MCPH1: variants seen among roughly 807,000 people sequenced by gnomAD.
MCPH1 encodes the protein microcephalin 1.
MCPH1 carries 104 observed loss-of-function variants against 84.5 expected under a neutral mutation model. The ratio of observed to expected loss-of-function variants is 1.23; its 90% CI spans 1.05 to 1.45. The LOEUF is 1.45. Ranked by LOEUF, MCPH1 falls within the 40% of genes most tolerant of loss-of-function variation. The pLI is 0.00. For missense variants in MCPH1, 1,498 were observed against 1,005.7 expected (o/e 1.49, Z -6.62); for synonymous variants, 514 against 366.8 (o/e 1.40, Z -4.58).
intron 6 of MCPH1, among the ~76,000 whole-genome samples, chr8:6,441,276 C>T (rs185217721): frequency 3.9e-4 from 59 of 152,310 alleles, no homozygotes; most frequent in African/African-American, 1.4e-3. Context: ...ACTAATTTGC[C>T]TTAAACTTTA....
intron 12 of MCPH1, among the ~76,000 whole-genome samples, chr8:6,613,324 G>C (rs962737718): frequency 6.6e-6 from 1 of 152,246 alleles, no homozygotes; most frequent in Non-Finnish European, 1.5e-5. Context: ...CCAACGGTCA[G>C]GGGACTGGCA....
chr8:6,542,293 T>G lies in MCPH1; in HGVS notation c.2214+42364T>G, dbSNP rs573269617. Among the ~76,000 whole-genome samples, 986 of 137,802 alleles carry G rather than the reference T, an allele frequency of 7.2e-3. 13 individuals carry two copies. The highest frequency in any genetic ancestry group is 0.03 in the African/African-American group (955 of 31,966). 90.4% of individuals were successfully genotyped at this position (137,802 alleles called of 152,430 possible). On this transcript the variant is annotated intron_variant, in intron 12 of 13. Coordinates refer to ENST00000344683, the MANE Select transcript of MCPH1 (RefSeq NM_024596.5). Reference sequence around the variant, plus strand: ...TTTGTCTACACATGTGAGGTAGGGGTGTGTGTGTGTGTGTGTGTATCTGTG... The same window carrying G: ...TTTGTCTACACATGTGAGGTAGGGGGGTGTGTGTGTGTGTGTGTATCTGTG...
intron 10 of MCPH1, among the ~76,000 whole-genome samples, chr8:6,479,128 T>A (rs1422050904): frequency 3.3e-5 from 5 of 151,960 alleles, no homozygotes; most frequent in Non-Finnish European, 7.4e-5. Flanking sequence ...TAGCCAGACT[T>A]GGTGGTGAAT....
At chr8:6,622,380 G>C (rs1831542435) in intron 13 of MCPH1, among the ~76,000 whole-genome samples, 1 of 152,202 alleles carries the variant, frequency 6.6e-6, no homozygotes, top group African/African-American at 2.4e-5. Flanking sequence ...GGAGAAGAGG[G>C]TTAAGGAAGA....
chr8:6,409,168 G>A, intron 1 of MCPH1, 111 bp from the exon 2 acceptor site: 2 of 888,226 alleles, frequency 2.3e-6, no homozygotes, highest in Non-Finnish European at 3.7e-6. Context: ...TTACAGGCGT[G>A]AGCCACTGTG....
At chr8:6,430,116 C>G (rs1483243393) in intron 3 of MCPH1, among the ~76,000 whole-genome samples, 1 of 152,174 alleles carries the variant, frequency 6.6e-6, no homozygotes, top group African/African-American at 2.4e-5. Flanking sequence ...AGAGTTGAGT[C>G]TGGTGATCAT....
chr8:6,450,970 A>T (rs952855271), intron 8 of MCPH1, among the ~76,000 whole-genome samples: 3 of 152,158 alleles, frequency 2.0e-5, no homozygotes, highest in African/African-American at 7.2e-5. Flanking sequence ...TGCCTCCCAA[A>T]GTGCTGGGAT....
chr8:6,422,601 C>T (rs770323898), intron 3 of MCPH1, among the ~76,000 whole-genome samples: 1 of 152,218 alleles, frequency 6.6e-6, no homozygotes, highest in Non-Finnish European at 1.5e-5. Context: ...CTCTCTCTCT[C>T]TATTTCTGCC....
chr8:6,423,320 A>G (rs1340812911), intron 3 of MCPH1, among the ~76,000 whole-genome samples: 1 of 142,716 alleles, frequency 7.0e-6, no homozygotes, highest in African/African-American at 2.7e-5. Context: ...GCCCGCCACC[A>G]CGCCTGGCTA....
chr8:6,448,882 A>G (rs1056870399), intron 8 of MCPH1, among the ~76,000 whole-genome samples: 10 of 152,350 alleles, frequency 6.6e-5, no homozygotes, highest in East Asian at 1.9e-4. Context: ...GTAGGTACTC[A>G]TGAGATGATT....
At chr8:6,560,906 TTA>T (rs568771085) in intron 12 of MCPH1, among the ~76,000 whole-genome samples, 2 of 152,234 alleles carry the variant, frequency 1.3e-5, no homozygotes, top group Non-Finnish European at 2.9e-5. Context: ...TAGCATTCTT[TTA>T]TGTTTCCTGG....
intron 12 of MCPH1, among the ~76,000 whole-genome samples, chr8:6,520,450 G>A (rs1397248459): frequency 6.6e-6 from 1 of 152,120 alleles, no homozygotes; most frequent in African/African-American, 2.4e-5. Flanking sequence ...ATAGTGGGGT[G>A]CAGTGACACA....
chr8:6,486,810 A>C (rs1322731893), intron 11 of MCPH1, among the ~76,000 whole-genome samples: 1 of 152,224 alleles, frequency 6.6e-6, no homozygotes, highest in African/African-American at 2.4e-5. Flanking sequence ...AATTTGACCA[A>C]AGTGTCCCTT....
chr8:6,541,503 G>A (rs1455321542), intron 12 of MCPH1, among the ~76,000 whole-genome samples: 1 of 152,206 alleles, frequency 6.6e-6, no homozygotes, highest in Non-Finnish European at 1.5e-5. Context: ...AGCCAGGGTT[G>A]TCATGCAGGA....
intron 12 of MCPH1, among the ~76,000 whole-genome samples, chr8:6,545,055 A>G (rs550987658): frequency 6.6e-6 from 1 of 152,160 alleles, no homozygotes; most frequent in Non-Finnish European, 1.5e-5. Flanking sequence ...CATCACAGAC[A>G]TCATGTTGGG....
chr8:6,496,973 G>C (rs965748174), intron 11 of MCPH1, among the ~76,000 whole-genome samples: 2 of 152,020 alleles, frequency 1.3e-5, no homozygotes, highest in Non-Finnish European at 2.9e-5. Flanking sequence ...CAAAAATTGA[G>C]TACCTTGTTC....
chr8:6,562,794 C>A (rs372726416), intron 12 of MCPH1: 2 of 1,613,440 alleles, frequency 1.2e-6, no homozygotes, highest in African/African-American at 2.7e-5. Flanking sequence ...CCATCTCTGG[C>A]AGGAGGAAAG....
At chr8:6,603,337 A>T (rs1031007199) in intron 12 of MCPH1, among the ~76,000 whole-genome samples, 1 of 152,166 alleles carries the variant, frequency 6.6e-6, no homozygotes, top group Non-Finnish European at 1.5e-5. Flanking sequence ...TAGGGGCATG[A>T]GTGAACTTTT....
intron 9 of MCPH1, among the ~76,000 whole-genome samples, chr8:6,468,187 G>T (rs1176650208): frequency 6.6e-6 from 1 of 152,162 alleles, no homozygotes; most frequent in African/African-American, 2.4e-5. Flanking sequence ...TGCACCTCAC[G>T]GTCTTGGGCT....
Sources: allele counts gnomAD v4.1 joint callset (sites outside exome capture counted in the v4.1 genomes callset), GRCh38; gene constraint gnomAD v4.1.1; transcripts MANE v1.5; gene names NCBI Gene and HGNC (gene_info 2026-07-23, HGNC 2026-07-21).